The following C17orf107 variants were observed in gnomAD, a reference collection of about 807,000 sequenced individuals.
C17orf107 encodes uncharacterized protein C17orf107.
A neutral mutation model predicts 8.9 loss-of-function variants in C17orf107; 9 were observed. That is an observed-to-expected ratio of 1.02 (90% CI 0.61 to 1.77). The LOEUF (loss-of-function observed/expected upper bound fraction) is 1.77. C17orf107 is among the 40% of genes most tolerant of loss of function. The probability of loss-of-function intolerance (pLI) is 0.00; values close to 1 mark genes in which losing one functional copy is unlikely to be tolerated. For missense variants in C17orf107, 281 were observed against 249.0 expected, an observed-to-expected ratio of 1.13 and a Z score of -0.86; for synonymous variants, 139 against 120.3, an observed-to-expected ratio of 1.16 and a Z score of -1.02.
In C17orf107 at chr17:4,900,146, G is replaced by C; in HGVS notation, c.276+1G>C. The C allele has an allele frequency of 6.5e-7, 1 of 1,549,954 alleles. No homozygotes were observed. Among genetic ancestry groups the C allele is most frequent in the Non-Finnish European group, 8.7e-7 (1 of 1,146,648 alleles). ...GAGCTTCGGCACCACCTTGTTAGAG[G>C]TGGGGTACTGGGGGGCTTAGGATAC... On this transcript the variant is annotated splice_donor_variant, in intron 2 of 2. Coordinates refer to ENST00000381365, the MANE Select transcript of C17orf107 (RefSeq NM_001145536.2). LOFTEE classifies it high-confidence loss of function.
chr17:4,901,847 C>A lies in C17orf107; in HGVS notation c.*1314C>A. The A allele has an allele frequency of 1.3e-6, 2 of 1,577,402 alleles. No homozygotes were observed. The highest frequency in any genetic ancestry group is 1.7e-6 in the Non-Finnish European group (2 of 1,151,942). On this transcript the variant is annotated 3_prime_UTR_variant, in exon 3 of 3. Transcript: ENST00000381365. Reference sequence around the variant, plus strand: ...CCGCCTCCAGCGCGAAGCCCCGCCCCGAGGGCGGTGCTTCCCGGTTGGCCC... The same window carrying A: ...CCGCCTCCAGCGCGAAGCCCCGCCCAGAGGGCGGTGCTTCCCGGTTGGCCC...
At position 4,901,465 on chromosome 17, in the gene C17orf107, G is replaced by T. The variant is rs1969981918; in HGVS notation, c.*932G>T. 3.3e-6 allele frequency: 5 copies of T among 1,510,958 alleles called. No homozygotes were observed. The Admixed American group carries it at 8.4e-5, about 25-fold the overall frequency. The allele number at this position is 1,510,958 out of a possible 1,614,324, so 93.6% of individuals were successfully genotyped here. ...GTTGGTCCGGGGCAAGCCCACCGTG[G>T]AAGTCCCCTCTCTGGACCCCGTCTA... On this transcript the variant is annotated 3_prime_UTR_variant, in exon 3 of 3. Transcript: ENST00000381365.
At chr17:4,903,033 G>A (rs1245614875), downstream of C17orf107, 5 of 1,614,060 alleles carry the variant, frequency 3.1e-6, no homozygotes, top group Non-Finnish European at 3.4e-6. Context: ...AGCCCCAAGA[G>A]GAGCAGGACC....
chr17:4,904,688 C>G (rs934865090), downstream of C17orf107, among the ~76,000 whole-genome samples: 8 of 152,204 alleles, frequency 5.3e-5, no homozygotes, highest in African/African-American at 9.7e-5. Context: ...TCAATCAACT[C>G]TATTGATCTC....
rs868191959 is a variant in C17orf107 at position 4,901,336 on chromosome 17, G to A, written c.*803G>A. On this transcript the variant is annotated 3_prime_UTR_variant, in exon 3 of 3. Coordinates refer to ENST00000381365, the MANE Select transcript of C17orf107 (RefSeq NM_001145536.2). ...ATTACGGACAGAAAAGGGCATTCTC[G>A]TTGAGGGTATGGAAAGCCAGAAGGC... 9.0e-5 allele frequency: 90 copies of A among 1,005,178 alleles called. No homozygotes were observed. The highest frequency in any genetic ancestry group is 1.2e-4 in the Non-Finnish European group (80 of 660,892). 62.3% of individuals were successfully genotyped at this position (1,005,178 alleles called of 1,614,324 possible). A position where few individuals can be genotyped will look rare whatever the true frequency, so the allele number is the denominator to read the frequency against.
chr17:4,899,888 C>T lies in C17orf107; in HGVS notation c.67-48C>T. 4 of 1,547,724 alleles carry T rather than the reference C, an allele frequency of 2.6e-6. No homozygotes were observed. The Admixed American group carries it at 5.9e-5, about 23-fold the overall frequency. On this transcript the variant is annotated intron_variant, in intron 1 of 2. Coordinates refer to ENST00000381365, the MANE Select transcript of C17orf107 (RefSeq NM_001145536.2). The stretch of plus-strand genomic sequence containing the variant: ...ACCTTCTGGGTAGGTCTCCTGTTCG[C>T]CCCTGTGACCCCTGCCCTGCTACTC...
Position 4,899,613 on chromosome 17 carries a change from T to C in C17orf107, c.-150T>C. 3 of 1,508,790 alleles carry C rather than the reference T, an allele frequency of 2.0e-6. No homozygotes were observed. The highest frequency in any genetic ancestry group is 2.4e-5 in the East Asian group (1 of 41,546). 93.5% of individuals were successfully genotyped at this position (1,508,790 alleles called of 1,614,324 possible). On this transcript the variant is annotated 5_prime_UTR_variant, in exon 1 of 3. Coordinates refer to ENST00000381365, the MANE Select transcript of C17orf107 (RefSeq NM_001145536.2). ...GAGCCCGGAAGGCATGACATCACCG[T>C]TCCTCCTCCCAGCTACCGAAGGCGC...
At chr17:4,899,880 C>T in intron 1 of C17orf107, 52 bp downstream of exon 1, 4 of 1,548,998 alleles carry the variant, frequency 2.6e-6, no homozygotes, top group Non-Finnish European at 3.5e-6. Context: ...GGGTAGGTCT[C>T]CTGTTCGCCC....
chr17:4,899,810 C>T lies in C17orf107; in HGVS notation c.48C>T (p.His16=). Residue 16 remains histidine (H), a synonymous_variant, in exon 1 of 3, where the codon CAC becomes CAT. Transcript: ENST00000381365. ...SSLDTLMWIY[H]FHSSTEVALQ... ...TGGACACCCTGATGTGGATCTACCA[C>T]TTCCACAGCTCCACCGAGGTGAGGC... 6.4e-7 allele frequency: 1 copy of T among 1,551,232 alleles called. No individual in the cohort carries two copies. Among genetic ancestry groups the T allele is most frequent in the Non-Finnish European group, 8.7e-7 (1 of 1,146,960 alleles).
downstream of C17orf107, among the ~76,000 whole-genome samples, chr17:4,903,707 G>T (rs1022008920): frequency 6.6e-6 from 1 of 152,080 alleles, no homozygotes; most frequent in South Asian, 2.1e-4. Flanking sequence ...AGCCCCTCTG[G>T]GTGGGAGACT....
chr17:4,904,454 T>C (rs1970064334), downstream of C17orf107, among the ~76,000 whole-genome samples: 1 of 152,180 alleles, frequency 6.6e-6, no homozygotes, highest in Non-Finnish European at 1.5e-5. Context: ...TCCCAGAGAA[T>C]TATGATTTCG....
At position 4,901,083 on chromosome 17, in the gene C17orf107, G is replaced by A. The variant is rs769424853; in HGVS notation, c.*550G>A. 56 of 1,613,754 alleles carry A rather than the reference G, an allele frequency of 3.5e-5. No individual in the cohort carries two copies. The highest frequency in any genetic ancestry group is 3.3e-4 in the Middle Eastern group (2 of 6,084). The stretch of plus-strand genomic sequence containing the variant: ...ATGACGTAGAAGAGCGGCTTCCGGC[G>A]GATGATGAGCGAGTAGATGACGTCA... On this transcript the variant is annotated 3_prime_UTR_variant, in exon 3 of 3. Coordinates refer to ENST00000381365, the MANE Select transcript of C17orf107 (RefSeq NM_001145536.2).
At position 4,902,267 on chromosome 17, in the gene C17orf107, C is replaced by G. The variant is rs776006666; in HGVS notation, c.*1734C>G. 6.2e-7 allele frequency: 1 copy of G among 1,614,160 alleles called. No homozygotes were observed. The highest frequency in any genetic ancestry group is 2.2e-5 in the East Asian group (1 of 44,862). Reference sequence around the variant, plus strand: ...GCCACACGAGTTCTGAAGGGACTCGCAGGGTTTCTATACCCCCAAAGTCGT... The same window carrying G: ...GCCACACGAGTTCTGAAGGGACTCGGAGGGTTTCTATACCCCCAAAGTCGT... On this transcript the variant is annotated 3_prime_UTR_variant, in exon 3 of 3. Coordinates refer to ENST00000381365, the MANE Select transcript of C17orf107 (RefSeq NM_001145536.2). This position sits in a 1 kb window ranked among gnomAD's most constrained non-coding sequence, Gnocchi z 4.0.
chr17:4,901,946 A>C lies in C17orf107; in HGVS notation c.*1413A>C. ...GCTCTTCCCACCGGAAAATAAGCGA[A>C]CAGTTCTGCCAATCGAAGGGGAAGT... On this transcript the variant is annotated 3_prime_UTR_variant, in exon 3 of 3. Coordinates refer to ENST00000381365, the MANE Select transcript of C17orf107 (RefSeq NM_001145536.2). The C allele has an allele frequency of 6.3e-7, 1 of 1,593,442 alleles. No individual in the cohort carries two copies. The highest frequency in any genetic ancestry group is 8.6e-7 in the Non-Finnish European group (1 of 1,167,514).
In C17orf107 at chr17:4,900,702, A is replaced by C. The variant is rs377633497; in HGVS notation, c.*169A>C. 1,882 of 1,471,150 alleles carry C rather than the reference A, an allele frequency of 1.3e-3. 46 individuals carry two copies. The South Asian group carries it at 0.022, about 17-fold the overall frequency. 91.1% of individuals were successfully genotyped at this position (1,471,150 alleles called of 1,614,324 possible). ...TCCGAATAAAGCCCAGGGCGGGGCG[A>C]GACAGCCAGAGCTTTTCCCGGGGTC... On this transcript the variant is annotated 3_prime_UTR_variant, in exon 3 of 3. Transcript: ENST00000381365.
rs758560981 is a variant in C17orf107 at position 4,899,555 on chromosome 17, G to A, written c.-208G>A. On this transcript the variant is annotated 5_prime_UTR_variant, in exon 1 of 3. Coordinates refer to ENST00000381365, the MANE Select transcript of C17orf107 (RefSeq NM_001145536.2). Reference sequence around the variant, plus strand: ...TGACGCAATTCATGACAATGAGCGTGGCGACCACCATGACGAAAATAAGGA... The same window carrying A: ...TGACGCAATTCATGACAATGAGCGTAGCGACCACCATGACGAAAATAAGGA... The A allele has an allele frequency of 6.3e-6, 10 of 1,596,598 alleles. No homozygotes were observed. The East Asian group carries it at 2.0e-4, about 32-fold the overall frequency.
rs751795863 is a variant in C17orf107, at chr17:4,901,716, C to G, written c.*1183C>G. The G allele has an allele frequency of 1.4e-4, 191 of 1,374,234 alleles. No homozygotes were observed. The highest frequency in any genetic ancestry group is 1.9e-4 in the Non-Finnish European group (181 of 976,392). The allele number at this position is 1,374,234 out of a possible 1,614,324, so 85.1% of individuals were successfully genotyped here. A position where few individuals can be genotyped will look rare whatever the true frequency, so the allele number is the denominator to read the frequency against. On this transcript the variant is annotated 3_prime_UTR_variant, in exon 3 of 3. Coordinates refer to ENST00000381365, the MANE Select transcript of C17orf107 (RefSeq NM_001145536.2). ...CCTGGAAGCTGGGATCTAGCGGGGC[C>G]GCGATCCCAAGCCCACCCCTTCACC... is the stretch of plus-strand genomic sequence containing the variant.
At chr17:4,904,211 T>TG (rs201525691), downstream of C17orf107, among the ~76,000 whole-genome samples, 1,917 of 151,590 alleles carry the variant, frequency 0.013, 41 homozygotes, top group African/African-American at 0.044. Flanking sequence ...TTGCAGGGGG[T>TG]GGGGGGACAG....
Position 4,902,018 on chromosome 17 carries a change from C to A in C17orf107, c.*1485C>A, listed in dbSNP as rs1970007339. The A allele has an allele frequency of 6.2e-7, 1 of 1,614,124 alleles. No individual in the cohort carries two copies. The highest frequency in any genetic ancestry group is 8.5e-7 in the Non-Finnish European group (1 of 1,180,052). ...CGCTGCGGTAGATGGCCGGAGGCAG[C>A]CACGTCACGGAGCCGCCCTCGTAGA... On this transcript the variant is annotated 3_prime_UTR_variant, in exon 3 of 3. Coordinates refer to ENST00000381365, the MANE Select transcript of C17orf107 (RefSeq NM_001145536.2). This position sits in a 1 kb window ranked among gnomAD's most constrained non-coding sequence, Gnocchi z 4.0.
Sources: allele counts gnomAD v4.1 joint callset (sites outside exome capture counted in the v4.1 genomes callset), GRCh38; gene constraint gnomAD v4.1.1; non-coding constraint Gnocchi (gnomAD v3.1); transcripts MANE v1.5; gene names NCBI Gene and HGNC (gene_info 2026-07-23, HGNC 2026-07-21).